Variants in FHIP1A observed in about 807,000 individuals in gnomAD.
The protein encoded by FHIP1A is FHF complex subunit HOOK interacting protein 1A.
Under a neutral mutation model 88.6 loss-of-function variants are expected in FHIP1A, and 61 were observed. The ratio of observed to expected loss-of-function variants is 0.69; its 90% CI spans 0.56 to 0.85. The LOEUF (loss-of-function observed/expected upper bound fraction) is 0.85, where lower values mean the gene tolerates loss of function less well. FHIP1A is among the 40% of genes least tolerant of loss of function. The pLI is 0.00. For missense variants in FHIP1A, 1,154 were observed against 1,273.5 expected (o/e 0.91, Z 1.43); for synonymous variants, 478 against 496.0 (o/e 0.96, Z 0.48).
At chr4:151,505,927 G>C (rs752559609) in intron 3 of FHIP1A, among the ~76,000 whole-genome samples, 1 of 152,238 alleles carries the variant, frequency 6.6e-6, no homozygotes, top group Non-Finnish European at 1.5e-5. Flanking sequence ...ATTGGATAAA[G>C]GAATTTTTTT....
intron 8 of FHIP1A, among the ~76,000 whole-genome samples, chr4:151,637,868 A>T (rs1736413330): frequency 6.6e-6 from 1 of 152,156 alleles, no homozygotes; most frequent in Admixed American, 6.5e-5. Flanking sequence ...ATTGTTGTAG[A>T]TTTCATTGGC....
intron 1 of FHIP1A, among the ~76,000 whole-genome samples, chr4:151,444,876 G>A (rs1301310418): frequency 6.6e-6 from 1 of 152,170 alleles, no homozygotes; most frequent in Non-Finnish European, 1.5e-5. Flanking sequence ...GAACACTTCT[G>A]ATACAAAATG....
At chr4:151,646,132 A>G (rs555347908) in intron 9 of FHIP1A, among the ~76,000 whole-genome samples, 3 of 152,164 alleles carry the variant, frequency 2.0e-5, no homozygotes, top group Non-Finnish European at 4.4e-5. Context: ...ACAAGATAAT[A>G]TTGCTTAATA....
intron 1 of FHIP1A, among the ~76,000 whole-genome samples, chr4:151,449,108 T>A (rs1237275065): frequency 6.6e-6 from 1 of 152,210 alleles, no homozygotes; most frequent in Non-Finnish European, 1.5e-5. Context: ...ATGGTTTTTT[T>A]AGTATCTCCA....
intron 1 of FHIP1A, among the ~76,000 whole-genome samples, chr4:151,423,568 T>A (rs1733256225): frequency 6.6e-6 from 1 of 152,228 alleles, no homozygotes; most frequent in African/African-American, 2.4e-5. Flanking sequence ...AACCTTAGCT[T>A]CCTTATCTAT....
At chr4:151,475,681 G>C (rs565296607) in intron 2 of FHIP1A, among the ~76,000 whole-genome samples, 113 of 152,204 alleles carry the variant, frequency 7.4e-4, no homozygotes, top group African/African-American at 2.4e-3. Flanking sequence ...AGTTTGTGGG[G>C]CTGCTTAGGA....
At chr4:151,434,088 T>A (rs538733379) in intron 1 of FHIP1A, among the ~76,000 whole-genome samples, 1 of 152,230 alleles carries the variant, frequency 6.6e-6, no homozygotes, top group Non-Finnish European at 1.5e-5. Context: ...TTTTCACCTT[T>A]GCTGCTATAA....
chr4:151,435,903 CTTTTG>C (rs1266473958), intron 1 of FHIP1A, among the ~76,000 whole-genome samples: 1 of 151,848 alleles, frequency 6.6e-6, no homozygotes, highest in Non-Finnish European at 1.5e-5. Flanking sequence ...CTGTAAATCA[CTTTTG>C]TTTGTTTCAG....
At chr4:151,518,442 T>C (rs1241124918) in intron 3 of FHIP1A, among the ~76,000 whole-genome samples, 1 of 152,166 alleles carries the variant, frequency 6.6e-6, no homozygotes, top group Non-Finnish European at 1.5e-5. Flanking sequence ...AAACAACATA[T>C]GACTATATGT....
Position 151,578,047 on chromosome 4 carries a change from C to T in FHIP1A, c.703C>T (p.His235Tyr). 6.4e-7 allele frequency: 1 copy of T among 1,550,932 alleles called. No individual in the cohort carries two copies. The highest frequency in any genetic ancestry group is 8.7e-7 in the Non-Finnish European group (1 of 1,146,836). Residue 235 changes from histidine to tyrosine, a missense_variant, in exon 5 of 14, where the codon CAC becomes TAC. Physicochemically the swap from His to Tyr is moderately conservative, Grantham distance 83. Transcript: ENST00000435205. ...TGCTGAGAACACCATGGTGGCCCAT[C>T]ACATCGTGGAGAACACCTACTTTTG... ...LSAENTMVAH[H>Y]IVENTYFCPV...
chr4:151,412,049 A>G (rs1023659299), intron 1 of FHIP1A, among the ~76,000 whole-genome samples: 2 of 152,220 alleles, frequency 1.3e-5, no homozygotes, highest in African/African-American at 2.4e-5. Context: ...ACCATTTTGT[A>G]GTAGATGCCA....
chr4:151,422,337 T>C (rs1733204041), intron 1 of FHIP1A, among the ~76,000 whole-genome samples: 1 of 152,006 alleles, frequency 6.6e-6, no homozygotes, highest in Non-Finnish European at 1.5e-5. Context: ...TCAATAAATA[T>C]TTGTTGAATT....
chr4:151,458,162 A>G (rs1729028561), intron 2 of FHIP1A, among the ~76,000 whole-genome samples: 1 of 152,256 alleles, frequency 6.6e-6, no homozygotes, highest in Non-Finnish European at 1.5e-5. Context: ...CGCAGAGGTC[A>G]TAAGTAGCAG....
intron 1 of FHIP1A, among the ~76,000 whole-genome samples, chr4:151,441,734 C>T (rs1728420641): frequency 6.6e-6 from 1 of 152,146 alleles, no homozygotes; most frequent in Non-Finnish European, 1.5e-5. Context: ...ACCCTCCTTC[C>T]ATTTCTTGAA....
At chr4:151,590,265 C>T (rs764235784) in intron 7 of FHIP1A, among the ~76,000 whole-genome samples, 2 of 152,104 alleles carry the variant, frequency 1.3e-5, no homozygotes, top group Non-Finnish European at 2.9e-5. Context: ...TATTTCCATC[C>T]TTTTCCTCAA....
At chr4:151,555,280 C>T (rs555159926) in intron 3 of FHIP1A, among the ~76,000 whole-genome samples, 23 of 152,196 alleles carry the variant, frequency 1.5e-4, no homozygotes, top group African/African-American at 5.3e-4. Context: ...CTTGTTCTTT[C>T]AAAAAACATA....
rs1578880084 is a variant in FHIP1A at position 151,664,203 on chromosome 4, C to A, written c.*1449C>A. On this transcript the variant is annotated 3_prime_UTR_variant, in exon 14 of 14. Transcript: ENST00000435205. ...GTTCTTTGTGGGCATCTCTGTGGAG[C>A]CCTGAGGGCAGCCACAGGTCTGGTG... Among the ~76,000 whole-genome samples the A allele has an allele frequency of 2.0e-5, 3 of 152,272 alleles. No individual in the cohort carries two copies. The East Asian group carries it at 5.8e-4, about 29-fold the overall frequency.
chr4:151,427,431 T>C (rs1030266852), intron 1 of FHIP1A, among the ~76,000 whole-genome samples: 2 of 152,114 alleles, frequency 1.3e-5, no homozygotes, highest in South Asian at 2.1e-4. Flanking sequence ...TTGTTGTTGA[T>C]ATATGAGACT....
chr4:151,449,121 G>A (rs1437456091), intron 1 of FHIP1A, among the ~76,000 whole-genome samples: 6 of 152,216 alleles, frequency 3.9e-5, no homozygotes, highest in Non-Finnish European at 1.5e-5. Context: ...TATCTCCATA[G>A]CATTCTAGTA....
Sources: allele counts gnomAD v4.1 joint callset (sites outside exome capture counted in the v4.1 genomes callset), GRCh38; gene constraint gnomAD v4.1.1; transcripts MANE v1.5; gene names NCBI Gene and HGNC (gene_info 2026-07-23, HGNC 2026-07-21).